COL15A1: variants seen among roughly 807,000 people sequenced by gnomAD.
The protein encoded by COL15A1 is collagen alpha-1(XV) chain.
Under a neutral mutation model 165.9 loss-of-function variants are expected in COL15A1, and 111 were observed. The observed-to-expected ratio is 0.67, with a 90% CI of 0.57 to 0.78. COL15A1 has a LOEUF of 0.78. COL15A1 is among the 30% of genes least tolerant of loss of function. The pLI is 0.00. For missense variants in COL15A1, 1,745 were observed against 1,789.7 expected (o/e 0.98, Z 0.45); for synonymous variants, 659 against 674.8 (o/e 0.98, Z 0.36).
rs1188876053 is a variant in COL15A1, at chr9:98,997,035, G to A, written c.906G>A (p.Leu302=). 1 of 1,614,164 alleles carries A rather than the reference G, an allele frequency of 6.2e-7. No individual in the cohort carries two copies. Residue 302 remains leucine, a synonymous_variant, in exon 6 of 42, where the codon CTG becomes CTA. Transcript: ENST00000375001. ...LSGEPVPEGT[L]ETTNMSIIQH... ...GTGAACCTGTACCCGAGGGGACCCT[G>A]GAAACCACCAACATGAGCATCATCC...
chr9:99,042,029 T>C lies in COL15A1; in HGVS notation c.2512-16T>C, dbSNP rs764474105. On this transcript the variant is annotated splice_polypyrimidine_tract_variant and intron_variant, in intron 23 of 41. Transcript: ENST00000375001. ...TCTTAACGAACAACCAAATACTATA[T>C]AACAATTCCTTCCAGGGTCCTAGAG... The C allele has an allele frequency of 2.5e-6, 4 of 1,572,038 alleles. No individual in the cohort carries two copies. The highest frequency in any genetic ancestry group is 2.2e-5 in the East Asian group (1 of 44,654).
chr9:99,069,901 T>C lies in COL15A1; in HGVS notation c.*15T>C. ...CTAGGAAGTAATGGCCTTCTGATGA[T>C]TCTTAAAGAGTTTTCAATTTTTTCT... is the stretch of plus-strand genomic sequence containing the variant. On this transcript the variant is annotated 3_prime_UTR_variant, in exon 42 of 42. Coordinates refer to ENST00000375001, the MANE Select transcript of COL15A1 (RefSeq NM_001855.5). 1 of 1,582,244 alleles carries C rather than the reference T, an allele frequency of 6.3e-7. No homozygotes were observed.
chr9:99,061,457 C>T (rs2117968064), intron 36 of COL15A1, among the ~76,000 whole-genome samples: 1 of 152,326 alleles, frequency 6.6e-6, no homozygotes, highest in Non-Finnish European at 1.5e-5. Context: ...TTCTATCATG[C>T]ATTTAATGTA....
Position 99,062,084 on chromosome 9 carries a change from C to A in COL15A1, c.3516C>A (p.Gly1172=), listed in dbSNP as rs1398762488. 6.2e-7 allele frequency: 1 copy of A among 1,613,640 alleles called. No individual in the cohort carries two copies. The highest frequency in any genetic ancestry group is 8.5e-7 in the Non-Finnish European group (1 of 1,179,900). Residue 1172 remains glycine, a synonymous_variant, in exon 37 of 42, where the codon GGC becomes GGA. Coordinates refer to ENST00000375001, the MANE Select transcript of COL15A1 (RefSeq NM_001855.5). ...AGTTTTTCATTCGTGTTAGAGATGG[C>A]TGGAAAAAATTACAGGTAATTTCTA... ...STEFFIRVRD[G]WKKLQLGELI...
intron 38 of COL15A1, among the ~76,000 whole-genome samples, 154 bp downstream of exon 38, chr9:99,062,458 A>G (rs1825832930): frequency 6.6e-6 from 1 of 152,230 alleles, no homozygotes; most frequent in South Asian, 2.1e-4. Context: ...GGGTGCTAAC[A>G]GGAGGTTCCC....
intron 2 of COL15A1, among the ~76,000 whole-genome samples, chr9:98,965,245 G>A (rs1837937701): frequency 6.6e-6 from 1 of 152,184 alleles, no homozygotes; most frequent in South Asian, 2.1e-4. Context: ...AAGGCACCCG[G>A]TTGCCTGTTG....
Position 99,069,922 on chromosome 9 carries a change from T to G in COL15A1, c.*36T>G. On this transcript the variant is annotated 3_prime_UTR_variant, in exon 42 of 42. Coordinates refer to ENST00000375001, the MANE Select transcript of COL15A1 (RefSeq NM_001855.5). ...ATGATTCTTAAAGAGTTTTCAATTTTTTCTTATGTGAAGAGTTGACACTGA... is the reference window on the plus strand; with the variant it reads ...ATGATTCTTAAAGAGTTTTCAATTTGTTCTTATGTGAAGAGTTGACACTGA... The G allele has an allele frequency of 6.5e-7, 1 of 1,536,084 alleles. No homozygotes were observed. The highest frequency in any genetic ancestry group is 1.4e-5 in the African/African-American group (1 of 72,842).
chr9:99,046,727 G>A (rs566856001), intron 26 of COL15A1, among the ~76,000 whole-genome samples: 9 of 152,288 alleles, frequency 5.9e-5, no homozygotes, highest in East Asian at 5.8e-4. Flanking sequence ...CTCCCACCAC[G>A]TCCCTCCCAT....
intron 22 of COL15A1, among the ~76,000 whole-genome samples, chr9:99,039,754 A>C (rs990907581): frequency 1.3e-5 from 2 of 152,198 alleles, no homozygotes; most frequent in Non-Finnish European, 2.9e-5. Context: ...CTCTTCTCTG[A>C]TGACACCTCA....
intron 5 of COL15A1, among the ~76,000 whole-genome samples, chr9:98,989,880 A>G (rs1405449949): frequency 6.6e-6 from 1 of 152,172 alleles, no homozygotes; most frequent in Non-Finnish European, 1.5e-5. Context: ...TGTGGCTGAG[A>G]CATGGAAGTG....
At chr9:98,990,611 G>A (rs1485370241) in intron 5 of COL15A1, among the ~76,000 whole-genome samples, 1 of 152,254 alleles carries the variant, frequency 6.6e-6, no homozygotes, top group Non-Finnish European at 1.5e-5. Flanking sequence ...GGTGCCAACA[G>A]CCCAAGGTTG....
chr9:99,058,472 G>A (rs1374300390), intron 35 of COL15A1, among the ~76,000 whole-genome samples: 1 of 152,176 alleles, frequency 6.6e-6, no homozygotes, highest in African/African-American at 2.4e-5. Context: ...CATGAGGGAG[G>A]AGTAGGACTA....
intron 26 of COL15A1, among the ~76,000 whole-genome samples, chr9:99,045,289 C>T (rs1839475259): frequency 6.6e-6 from 1 of 152,170 alleles, no homozygotes; most frequent in Non-Finnish European, 1.5e-5. Flanking sequence ...CCCAGGAAAC[C>T]CTCAAAGGAA....
chr9:99,044,498 TG>T, intron 24 of COL15A1, 69 bp from the exon 25 acceptor site: 1 of 1,416,404 alleles, frequency 7.1e-7, no homozygotes, highest in Non-Finnish European at 1.0e-6. Flanking sequence ...GAGGAGTCTC[TG>T]TACAAAACTC....
rs116615612 is a variant in COL15A1 at position 99,053,253 on chromosome 9, T to C, written c.2950+820T>C. On this transcript the variant is annotated intron_variant, in intron 31 of 41. Coordinates refer to ENST00000375001, the MANE Select transcript of COL15A1 (RefSeq NM_001855.5). ...AATATTCACTTTCAGCTTGGCTGTG[T>C]CACCCCGGCCCACGAGGTGGTGGTC... Among the ~76,000 whole-genome samples, 612 of 152,342 alleles carry C rather than the reference T, an allele frequency of 4.0e-3. 1 individual carries two copies. Among genetic ancestry groups the C allele is most frequent in the African/African-American group, 0.014 (581 of 41,584 alleles).
At chr9:99,015,824 C>A in intron 10 of COL15A1, 152 bp from the exon 11 acceptor site, 1 of 957,758 alleles carries the variant, frequency 1.0e-6, no homozygotes, top group Non-Finnish European at 1.6e-6. Context: ...AGAAGAGATG[C>A]ATATTTCAGA....
chr9:99,040,600 C>T (rs373142517), intron 23 of COL15A1, 44 bp downstream of exon 23: 260 of 1,614,130 alleles, frequency 1.6e-4, no homozygotes, highest in Non-Finnish European at 2.0e-4. Flanking sequence ...CCCGTGGCTG[C>T]GATCATTCTG....
chr9:98,985,270 ATAAT>A (rs1838288465), intron 2 of COL15A1, among the ~76,000 whole-genome samples: 1 of 152,258 alleles, frequency 6.6e-6, no homozygotes, highest in South Asian at 2.1e-4. Flanking sequence ...CAGAAAAAGA[ATAAT>A]TAAATGAAAA....
At chr9:99,066,602 T>TTTTTTTTTGTTTTTTTTTTG (rs1413789247) in intron 39 of COL15A1, among the ~76,000 whole-genome samples, 5 of 114,598 alleles carry the variant, frequency 4.4e-5, no homozygotes, top group East Asian at 4.5e-4. Flanking sequence ...TTGTTCTGTT[T>TTTTTTTTTGTTTTTTTTTTG]TTTTTTTTTT....
Sources: allele counts gnomAD v4.1 joint callset (sites outside exome capture counted in the v4.1 genomes callset), GRCh38; gene constraint gnomAD v4.1.1; transcripts MANE v1.5; gene names NCBI Gene and HGNC (gene_info 2026-07-23, HGNC 2026-07-21).